The following KCNT2 variants were observed in gnomAD, a reference collection of about 807,000 sequenced individuals.
The protein encoded by KCNT2 is potassium channel subfamily T member 2.
In KCNT2, 67 loss-of-function variants were observed where a neutral mutation model predicts 153.8. The ratio of observed to expected loss-of-function variants is 0.44; its 90% CI spans 0.36 to 0.53. KCNT2 has a LOEUF of 0.53. KCNT2 is among the 20% of genes least tolerant of loss of function. KCNT2 has a pLI of 0.00. For missense variants in KCNT2, 975 were observed against 1,354.8 expected (o/e 0.72, Z 4.40); for synonymous variants, 500 against 458.8 (o/e 1.09, Z -1.15).
intron 13 of KCNT2, among the ~76,000 whole-genome samples, chr1:196,378,042 T>C (rs1320771324): frequency 2.6e-5 from 4 of 152,094 alleles, no homozygotes; most frequent in African/African-American, 9.7e-5. Flanking sequence ...TAGAGAGGCC[T>C]AGAAGAAATC....
chr1:196,295,716 C>A (rs929502524), intron 22 of KCNT2, among the ~76,000 whole-genome samples: 3 of 151,844 alleles, frequency 2.0e-5, no homozygotes, highest in African/African-American at 7.3e-5. Context: ...ATTGAGCATA[C>A]AAACCATCAT....
intron 1 of KCNT2, among the ~76,000 whole-genome samples, chr1:196,516,503 G>T (rs913060448): frequency 2.6e-5 from 4 of 152,198 alleles, no homozygotes; most frequent in Non-Finnish European, 5.9e-5. Context: ...AGCTCCCAGA[G>T]GGTGGGGTGT....
chr1:196,581,772 TA>T (rs1662077760), intron 1 of KCNT2, among the ~76,000 whole-genome samples: 1 of 152,142 alleles, frequency 6.6e-6, no homozygotes, highest in African/African-American at 2.4e-5. Flanking sequence ...AAAGCTGTCA[TA>T]AAAATATATC....
chr1:196,462,809 T>C (rs1403480961), intron 8 of KCNT2, among the ~76,000 whole-genome samples: 1 of 151,732 alleles, frequency 6.6e-6, no homozygotes, highest in African/African-American at 2.4e-5. Context: ...TTTTATCACT[T>C]AGTACCAAGA....
In KCNT2 at chr1:196,333,998, G is replaced by A. The variant is rs747722333; in HGVS notation, c.1846C>T (p.Leu616Phe). 1.9e-6 allele frequency: 3 copies of A among 1,613,448 alleles called. No homozygotes were observed. The highest frequency in any genetic ancestry group is 2.5e-6 in the Non-Finnish European group (3 of 1,179,720). The change falls in exon 17 of 28, where the codon CTT becomes TTT. Residue 616 changes from leucine (L) to phenylalanine (F), a missense_variant. Physicochemically the swap from Leu to Phe is conservative, Grantham distance 22. This residue lies in a region of KCNT2 where 325 missense variants were observed against 388.1 expected (regional missense o/e 0.84). Coordinates refer to ENST00000294725, the MANE Select transcript of KCNT2 (RefSeq NM_198503.5). ...ATTTCTTTGCTTCCCTCTGTAGGAA[G>A]AGACAGGGTAGGGCCACTTGCTGAT... ...CRSASGPTLS[L>F]PTEGSKEIRR...
At chr1:196,480,812 C>A (rs913182269) in intron 4 of KCNT2, among the ~76,000 whole-genome samples, 1 of 129,822 alleles carries the variant, frequency 7.7e-6, no homozygotes, top group African/African-American at 2.9e-5. Flanking sequence ...GCCGAGATCG[C>A]ACCACTGCAC....
At chr1:196,603,978 A>C (rs1665033482) in intron 1 of KCNT2, among the ~76,000 whole-genome samples, 2 of 152,262 alleles carry the variant, frequency 1.3e-5, no homozygotes, top group South Asian at 4.1e-4. Flanking sequence ...TTTGTGAATC[A>C]TAGAAATATT....
At chr1:196,369,265 C>G (rs1461401357) in intron 14 of KCNT2, among the ~76,000 whole-genome samples, 1 of 152,020 alleles carries the variant, frequency 6.6e-6, no homozygotes, top group Non-Finnish European at 1.5e-5. Context: ...TTGTGGAAAT[C>G]ATTATAGTCC....
At chr1:196,332,679 AC>A (rs1664578060) in intron 17 of KCNT2, among the ~76,000 whole-genome samples, 1 of 152,100 alleles carries the variant, frequency 6.6e-6, no homozygotes, top group African/African-American at 2.4e-5. Flanking sequence ...TCTACACAAA[AC>A]ATTGTTTTTG....
Position 196,342,398 on chromosome 1 carries a change from A to C in KCNT2, c.1404-170T>G, listed in dbSNP as rs560779942. The C allele has an allele frequency of 1.0e-5, 3 of 299,558 alleles. No homozygotes were observed. The South Asian group carries it at 3.7e-4, about 37-fold the overall frequency. The allele number at this position is 299,558 out of a possible 1,614,324, so 18.6% of individuals were successfully genotyped here. ...GTCTGAAGATGACATTATATGCAAG[A>C]GTTTCTAAAAAATTTTGAATACTAT... On this transcript the variant is annotated intron_variant, in intron 14 of 27. Transcript: ENST00000294725.
chr1:196,423,010 T>A (rs1673342170), intron 12 of KCNT2, 40 bp downstream of exon 12: 1 of 1,314,498 alleles, frequency 7.6e-7, no homozygotes, highest in East Asian at 2.4e-5. Context: ...TCTTCTAAAA[T>A]GGAAAGCACA....
chr1:196,295,199 T>C (rs1571941995), intron 22 of KCNT2, among the ~76,000 whole-genome samples: 2 of 151,802 alleles, frequency 1.3e-5, no homozygotes, highest in East Asian at 3.9e-4. Flanking sequence ...TAATAATTTG[T>C]CAATTAAAAA....
chr1:196,467,630 G>T, intron 7 of KCNT2, 73 bp downstream of exon 7: 1 of 985,478 alleles, frequency 1.0e-6, no homozygotes, highest in Non-Finnish European at 1.5e-6. Flanking sequence ...CTCTCTCTCT[G>T]TTTAATCTAA....
intron 13 of KCNT2, among the ~76,000 whole-genome samples, chr1:196,377,978 A>T (rs923672610): frequency 8.5e-5 from 13 of 152,110 alleles, no homozygotes; most frequent in African/African-American, 2.7e-4. Context: ...AAATCCAGTA[A>T]GTCAGGTTTA....
In KCNT2 at chr1:196,452,800, G is replaced by A. The variant is rs555691007; in HGVS notation, c.638+12493C>T. 3.3e-5 allele frequency among the ~76,000 whole-genome samples: 5 copies of A among 152,050 alleles called. No homozygotes were observed. The East Asian group carries it at 9.7e-4, about 30-fold the overall frequency. Reference sequence around the variant, plus strand: ...AGACCCAGGGAAAGCCAGTGTTGAAGTCTGAAGTCAGTTAGTGGAGGGTCT... The same window carrying A: ...AGACCCAGGGAAAGCCAGTGTTGAAATCTGAAGTCAGTTAGTGGAGGGTCT... On this transcript the variant is annotated intron_variant, in intron 8 of 27. Transcript: ENST00000294725.
chr1:196,277,961 T>C (rs549653353), intron 25 of KCNT2, among the ~76,000 whole-genome samples: 2 of 152,278 alleles, frequency 1.3e-5, no homozygotes, highest in South Asian at 2.1e-4. Context: ...ATGTAAGAGA[T>C]ATGCACTTTA....
chr1:196,378,111 G>C lies in KCNT2; in HGVS notation c.1295-4863C>G, dbSNP rs537036376. On this transcript the variant is annotated intron_variant, in intron 13 of 27. Transcript: ENST00000294725. Reference sequence around the variant, plus strand: ...GAATAGTGAGCCATGAATATGAATGGACAAAGGAATTACTCCGTAAAGAGA... The same window carrying C: ...GAATAGTGAGCCATGAATATGAATGCACAAAGGAATTACTCCGTAAAGAGA... Among the ~76,000 whole-genome samples the C allele has an allele frequency of 2.5e-4, 38 of 152,196 alleles. No individual in the cohort carries two copies. In the South Asian group the frequency reaches 7.7e-3, roughly 31 times the overall value.
At chr1:196,463,597 A>C (rs1396037815) in intron 8 of KCNT2, among the ~76,000 whole-genome samples, 2 of 151,706 alleles carry the variant, frequency 1.3e-5, no homozygotes, top group African/African-American at 4.8e-5. Flanking sequence ...TTAAAACTAA[A>C]ACACACACAC....
intron 1 of KCNT2, among the ~76,000 whole-genome samples, chr1:196,548,402 A>G (rs1315199761): frequency 6.6e-6 from 1 of 152,134 alleles, no homozygotes; most frequent in Admixed American, 6.6e-5. Context: ...AAAACACATG[A>G]AAAAATGCTC....
Sources: gnomAD v4.1 joint callset for allele counts (sites outside exome capture counted in the v4.1 genomes callset) on GRCh38, gnomAD v4.1.1 for gene constraint, gnomAD v4.1.1 regional missense constraint, MANE v1.5 for transcripts, NCBI Gene and HGNC (gene_info 2026-07-23, HGNC 2026-07-21) for gene names.